SESTD1: variants seen among roughly 807,000 people sequenced by gnomAD.
SESTD1 encodes the protein SEC14 domain and spectrin repeat-containing protein 1.
A neutral mutation model predicts 101.7 loss-of-function variants in SESTD1; 43 were observed. That is an observed-to-expected ratio of 0.42 (90% CI 0.33 to 0.55). The LOEUF (loss-of-function observed/expected upper bound fraction) is 0.55. Among genes scored for constraint, SESTD1 ranks in the 20% least tolerant of loss-of-function variants. SESTD1 has a pLI of 0.07. For missense variants in SESTD1, 647 were observed against 815.1 expected (o/e 0.79, Z 2.51); for synonymous variants, 283 against 286.8 (o/e 0.99, Z 0.13).
rs2044298616 is a variant in SESTD1, at chr2:179,102,744, A to C, written c.*7155T>G. ...ACAGCTGGGAGAGGTAAAAGAGTGGATAAGAGAGTCATCAGAGTGTGAAAA... is the reference window on the plus strand; with the variant it reads ...ACAGCTGGGAGAGGTAAAAGAGTGGCTAAGAGAGTCATCAGAGTGTGAAAA... On this transcript the variant is annotated 3_prime_UTR_variant, in exon 18 of 18. Transcript: ENST00000428443. 6.6e-6 allele frequency: 1 copy of C among 152,144 alleles called. No individual in the cohort carries two copies. Among genetic ancestry groups the C allele is most frequent in the South Asian group, 2.1e-4 (1 of 4,822 alleles). The allele number at this position is 152,144 out of a possible 1,614,324, so 9.4% of individuals were successfully genotyped here.
intron 5 of SESTD1, among the ~76,000 whole-genome samples, chr2:179,169,569 A>T (rs1326850684): frequency 6.6e-6 from 1 of 152,198 alleles, no homozygotes. Flanking sequence ...AGAAGACCTG[A>T]AAAACATTAA....
At chr2:179,189,833 A>G (rs1416172934) in intron 2 of SESTD1, among the ~76,000 whole-genome samples, 1 of 152,172 alleles carries the variant, frequency 6.6e-6, no homozygotes, top group Non-Finnish European at 1.5e-5. Flanking sequence ...ATGGCCATAA[A>G]AAATACCTAA....
In SESTD1 at chr2:179,103,659, C is replaced by T. The variant is rs912035391; in HGVS notation, c.*6240G>A. 3 of 151,962 alleles carry T rather than the reference C, an allele frequency of 2.0e-5. No individual in the cohort carries two copies. The highest frequency in any genetic ancestry group is 3.9e-4 in the East Asian group (2 of 5,192). The allele number at this position is 151,962 out of a possible 1,614,324, so 9.4% of individuals were successfully genotyped here. A position where few individuals can be genotyped will look rare whatever the true frequency, so the allele number is the denominator to read the frequency against. ...GCCTTGTAGAAAAGCGTACATGTTG[C>T]GTGACTCTATTTATATAAAGTTTTA... On this transcript the variant is annotated 3_prime_UTR_variant, in exon 18 of 18. Coordinates refer to ENST00000428443, the MANE Select transcript of SESTD1 (RefSeq NM_178123.5).
At chr2:179,187,272 C>T (rs1360540271) in intron 2 of SESTD1, among the ~76,000 whole-genome samples, 1 of 152,100 alleles carries the variant, frequency 6.6e-6, no homozygotes, top group Admixed American at 6.5e-5. Context: ...CAATATTAGC[C>T]TTGAATGTAA....
intron 2 of SESTD1, among the ~76,000 whole-genome samples, chr2:179,187,757 C>CA (rs1559135424): frequency 1.3e-5 from 2 of 151,616 alleles, no homozygotes; most frequent in South Asian, 2.1e-4. Flanking sequence ...ATATACAAAA[C>CA]AAAAAAAGAG....
intron 1 of SESTD1, among the ~76,000 whole-genome samples, chr2:179,255,071 T>C (rs1051559063): frequency 6.6e-6 from 1 of 152,214 alleles, no homozygotes; most frequent in African/African-American, 2.4e-5. Context: ...ATACATATTG[T>C]GTGTATTCTG....
chr2:179,206,963 C>T lies in SESTD1; in HGVS notation c.-25-15097G>A, dbSNP rs187590643. On this transcript the variant is annotated intron_variant, in intron 1 of 17. Coordinates refer to ENST00000428443, the MANE Select transcript of SESTD1 (RefSeq NM_178123.5). Reference sequence around the variant, plus strand: ...CACTTCCCTGGTGATCTATATGATGCAGCAGAGGCAGCCATAATCACCCTG... The same window carrying T: ...CACTTCCCTGGTGATCTATATGATGTAGCAGAGGCAGCCATAATCACCCTG... Among the ~76,000 whole-genome samples, 25 of 133,344 alleles carry T rather than the reference C, an allele frequency of 1.9e-4. 8 individuals are homozygous for T. Among genetic ancestry groups the T allele is most frequent in the African/African-American group, 5.7e-4 (19 of 33,494 alleles). 87.5% of individuals were successfully genotyped at this position (133,344 alleles called of 152,430 possible). A position where few individuals can be genotyped will look rare whatever the true frequency, so the allele number is the denominator to read the frequency against.
At chr2:179,191,019 G>C (rs1444621600) in intron 2 of SESTD1, among the ~76,000 whole-genome samples, 1 of 152,112 alleles carries the variant, frequency 6.6e-6, no homozygotes, top group African/African-American at 2.4e-5. Flanking sequence ...ATTTTCCTTT[G>C]GGTATATACC....
chr2:179,180,805 G>A (rs538276455), intron 3 of SESTD1, among the ~76,000 whole-genome samples: 16 of 152,204 alleles, frequency 1.1e-4, no homozygotes, highest in East Asian at 3.9e-4. Context: ...CTCTAGCATC[G>A]CAATGGAGAG....
intron 1 of SESTD1, among the ~76,000 whole-genome samples, chr2:179,217,560 A>T (rs1017720785): frequency 2.6e-5 from 4 of 152,222 alleles, no homozygotes; most frequent in African/African-American, 9.6e-5. Context: ...ATTGTGGAAG[A>T]CAGTGTGGTG....
chr2:179,161,438 G>A (rs2045734366), intron 5 of SESTD1, among the ~76,000 whole-genome samples: 1 of 152,076 alleles, frequency 6.6e-6, no homozygotes, highest in Non-Finnish European at 1.5e-5. Context: ...CAAGGCGAGT[G>A]GATCACGAGG....
intron 1 of SESTD1, among the ~76,000 whole-genome samples, chr2:179,205,738 T>C (rs1240591708): frequency 7.4e-6 from 1 of 135,082 alleles, no homozygotes; most frequent in Non-Finnish European, 1.6e-5. Context: ...TTTGTGGGTG[T>C]ATAAGCCAAG....
intron 3 of SESTD1, among the ~76,000 whole-genome samples, chr2:179,180,897 G>A (rs2046095939): frequency 6.6e-6 from 1 of 152,136 alleles, no homozygotes; most frequent in African/African-American, 2.4e-5. Flanking sequence ...CCAAAATTAT[G>A]GGAGGCTGAT....
chr2:179,205,582 G>A (rs1458624801), intron 1 of SESTD1, among the ~76,000 whole-genome samples: 3 of 134,850 alleles, frequency 2.2e-5, no homozygotes, highest in Admixed American at 2.2e-4. Flanking sequence ...TGAGAGATGG[G>A]TGCTTTATCC....
rs185373786 is a variant in SESTD1, at chr2:179,209,499, C to T, written c.-25-17633G>A. Among the ~76,000 whole-genome samples the T allele has an allele frequency of 1.5e-5, 2 of 134,618 alleles. 1 individual carries two copies. The highest frequency in any genetic ancestry group is 4.0e-4 in the East Asian group (2 of 5,010). 88.3% of individuals were successfully genotyped at this position (134,618 alleles called of 152,430 possible). ...AAAAAACAAGTCTAATACATTTAAA[C>T]AAACTGAAATTATATCAAGTACTCT... On this transcript the variant is annotated intron_variant, in intron 1 of 17. Transcript: ENST00000428443.
At chr2:179,239,999 G>C (rs2047126761) in intron 1 of SESTD1, among the ~76,000 whole-genome samples, 1 of 152,156 alleles carries the variant, frequency 6.6e-6, no homozygotes, top group African/African-American at 2.4e-5. Flanking sequence ...TGATGATCCA[G>C]TCAAATACCT....
chr2:179,110,074 A>AT (rs778325404), intron 17 of SESTD1, 46 bp from the exon 18 acceptor site: 1 of 1,599,448 alleles, frequency 6.3e-7, no homozygotes, highest in Admixed American at 1.7e-5. Flanking sequence ...ATACAAATCT[A>AT]TTAACTGCAG....
In SESTD1 at chr2:179,114,089, T is replaced by C. The variant is rs951988508; in HGVS notation, c.1839+976A>G. On this transcript the variant is annotated intron_variant, in intron 16 of 17. Transcript: ENST00000428443. Reference sequence around the variant, plus strand: ...ACTTGTGGTATGTTTTCTATGTTAATAGTATACTTCATAATAATAAAAAAT... The same window carrying C: ...ACTTGTGGTATGTTTTCTATGTTAACAGTATACTTCATAATAATAAAAAAT... 9.7e-4 allele frequency among the ~76,000 whole-genome samples: 148 copies of C among 152,166 alleles called. 15 individuals carry two copies. The highest frequency in any genetic ancestry group is 2.1e-4 in the South Asian group (1 of 4,830).
intron 3 of SESTD1, among the ~76,000 whole-genome samples, chr2:179,182,740 A>C (rs1249460876): frequency 6.6e-6 from 1 of 152,184 alleles, no homozygotes; most frequent in East Asian, 1.9e-4. Flanking sequence ...TATTTATATC[A>C]ATATGGTGAA....
Sources: allele counts gnomAD v4.1 joint callset (sites outside exome capture counted in the v4.1 genomes callset), GRCh38; gene constraint gnomAD v4.1.1; transcripts MANE v1.5; gene names NCBI Gene and HGNC (gene_info 2026-07-23, HGNC 2026-07-21).